LRP1B: variants seen among roughly 807,000 people sequenced by gnomAD.
The protein encoded by LRP1B is low-density lipoprotein receptor-related protein 1B.
A neutral mutation model predicts 556.6 loss-of-function variants in LRP1B; 217 were observed. That is an observed-to-expected ratio of 0.39 (90% confidence interval 0.35 to 0.44). LRP1B has a LOEUF of 0.44. Ranked by LOEUF, LRP1B falls within the 20% of genes least tolerant of loss-of-function variation. The pLI, the probability that LRP1B is intolerant of heterozygous loss-of-function variation, is 1.00. For missense variants in LRP1B, 5,053 were observed against 5,620.8 expected (o/e 0.90, Z 3.23); for synonymous variants, 2,047 against 1,865.8 (o/e 1.10, Z -2.50).
At chr2:140,327,215 G>C (rs1018010798) in intron 79 of LRP1B, among the ~76,000 whole-genome samples, 3 of 152,096 alleles carry the variant, frequency 2.0e-5, no homozygotes, top group African/African-American at 7.2e-5. Context: ...GTCTGTGCTA[G>C]ACTTTTATTC....
At chr2:140,978,771 C>T (rs1268279187) in intron 18 of LRP1B, among the ~76,000 whole-genome samples, 3 of 152,106 alleles carry the variant, frequency 2.0e-5, no homozygotes, top group Non-Finnish European at 4.4e-5. Context: ...ATGTGTGTTA[C>T]TGAAGAGAGA....
At chr2:142,036,591 G>A (rs1399764890) in intron 1 of LRP1B, among the ~76,000 whole-genome samples, 2 of 151,560 alleles carry the variant, frequency 1.3e-5, no homozygotes, top group Non-Finnish European at 3.0e-5. Context: ...ATTTAGTTAA[G>A]TAATATTTTC....
intron 20 of LRP1B, 129 bp from the exon 21 acceptor site, chr2:140,923,276 A>T (rs1694795734): frequency 1.6e-6 from 1 of 631,752 alleles, no homozygotes; most frequent in Non-Finnish European, 2.7e-6. Flanking sequence ...GCTAGAGAGA[A>T]TACATTTTTA....
chr2:141,204,505 G>C (rs1289548655), intron 6 of LRP1B, among the ~76,000 whole-genome samples: 1 of 152,134 alleles, frequency 6.6e-6, no homozygotes, highest in Non-Finnish European at 1.5e-5. Flanking sequence ...AGAAATTGGG[G>C]TGTTATTTTC....
intron 20 of LRP1B, among the ~76,000 whole-genome samples, chr2:140,929,637 CTATT>C (rs1219895827): frequency 1.3e-5 from 2 of 151,944 alleles, no homozygotes; most frequent in Non-Finnish European, 2.9e-5. Flanking sequence ...CACTTTGCGA[CTATT>C]TAAACAATAA....
Position 142,034,915 on chromosome 2 carries a change from A to G in LRP1B, c.82+95733T>C, listed in dbSNP as rs185015187. On this transcript the variant is annotated intron_variant, in intron 1 of 90. Coordinates refer to ENST00000389484, the MANE Select transcript of LRP1B (RefSeq NM_018557.3). ...TATTTAAAATACAACACGTTTGTAA[A>G]GTTATAAAACTATAAAAATGTATTG... is the stretch of plus-strand genomic sequence containing the variant. Among the ~76,000 whole-genome samples, 243 of 151,918 alleles carry G rather than the reference A, an allele frequency of 1.6e-3. 1 individual carries two copies. Among genetic ancestry groups the G allele is most frequent in the Non-Finnish European group, 2.8e-3 (187 of 67,818 alleles).
intron 7 of LRP1B, among the ~76,000 whole-genome samples, chr2:141,147,218 G>A (rs1036886208): frequency 6.6e-6 from 1 of 152,102 alleles, no homozygotes; most frequent in Non-Finnish European, 1.5e-5. Flanking sequence ...CTTAGGAGTG[G>A]CAAGGGCTTC....
intron 3 of LRP1B, among the ~76,000 whole-genome samples, chr2:141,410,651 G>A (rs1690818223): frequency 6.6e-6 from 1 of 151,956 alleles, no homozygotes; most frequent in Non-Finnish European, 1.5e-5. Context: ...TCAAGGAATG[G>A]TGTTTTTTAC....
chr2:140,315,245 T>TA (rs1219483336), intron 82 of LRP1B, 146 bp from the exon 83 acceptor site: 1 of 536,680 alleles, frequency 1.9e-6, no homozygotes, highest in Non-Finnish European at 3.2e-6. Flanking sequence ...AAAAATTAAA[T>TA]ACTATCTGAA....
At chr2:140,672,936 C>T (rs6744882) in intron 41 of LRP1B, among the ~76,000 whole-genome samples, 121,012 of 152,114 alleles carry the variant, frequency 0.8, 48,978 homozygotes, top group Middle Eastern at 0.9. Flanking sequence ...CTTCAAAGAG[C>T]TCTCTATGTG....
intron 1 of LRP1B, among the ~76,000 whole-genome samples, chr2:141,839,871 C>CTTATCTTTATTATCATTAAGA (rs1697407817): frequency 6.6e-6 from 1 of 152,114 alleles, no homozygotes; most frequent in South Asian, 2.1e-4. Flanking sequence ...CAAACCACAA[C>CTTATCTTTATTATCATTAAGA]TAATAAAATG....
intron 2 of LRP1B, among the ~76,000 whole-genome samples, chr2:141,739,878 C>A (rs1693631786): frequency 6.6e-6 from 1 of 151,992 alleles, no homozygotes; most frequent in African/African-American, 2.4e-5. Flanking sequence ...TAGTTCAAGA[C>A]TTATTTTCTT....
chr2:141,375,476 C>T (rs1373477373), intron 3 of LRP1B, among the ~76,000 whole-genome samples: 2 of 151,946 alleles, frequency 1.3e-5, no homozygotes, highest in Admixed American at 6.6e-5. Flanking sequence ...GTGGAGCAAC[C>T]CACTGAGACC....
intron 2 of LRP1B, among the ~76,000 whole-genome samples, chr2:141,643,382 C>A (rs1341674340): frequency 6.6e-6 from 1 of 152,122 alleles, no homozygotes; most frequent in East Asian, 1.9e-4. Context: ...CTATTCACAT[C>A]TATAAACCAG....
intron 1 of LRP1B, among the ~76,000 whole-genome samples, chr2:142,010,459 G>T (rs909729819): frequency 3.3e-5 from 5 of 150,126 alleles, no homozygotes; most frequent in Non-Finnish European, 5.9e-5. Context: ...AGAGGCTGAG[G>T]CAGGAGAATG....
intron 41 of LRP1B, among the ~76,000 whole-genome samples, chr2:140,641,105 A>G (rs1457990681): frequency 6.6e-6 from 1 of 152,232 alleles, no homozygotes; most frequent in African/African-American, 2.4e-5. Flanking sequence ...ATAATTTGTC[A>G]TCTATGGTTT....
At chr2:141,599,208 T>C (rs781545539) in intron 2 of LRP1B, among the ~76,000 whole-genome samples, 15 of 151,920 alleles carry the variant, frequency 9.9e-5, no homozygotes, top group Non-Finnish European at 7.4e-5. Flanking sequence ...AGCTACTGTG[T>C]TACTGCCAAA....
chr2:142,111,381 C>T (rs1185840156), intron 1 of LRP1B, among the ~76,000 whole-genome samples: 1 of 152,022 alleles, frequency 6.6e-6, no homozygotes, highest in African/African-American at 2.4e-5. Flanking sequence ...ATTACCTCAA[C>T]CCTAATGTGT....
At chr2:141,764,117 C>A (rs1694652822) in intron 2 of LRP1B, among the ~76,000 whole-genome samples, 1 of 151,984 alleles carries the variant, frequency 6.6e-6, no homozygotes, top group South Asian at 2.1e-4. Flanking sequence ...TAATTAAGGA[C>A]AGGACCTTTA....
Sources: gnomAD v4.1 joint callset for allele counts (sites outside exome capture counted in the v4.1 genomes callset) on GRCh38, gnomAD v4.1.1 for gene constraint, MANE v1.5 for transcripts, NCBI Gene and HGNC (gene_info 2026-07-23, HGNC 2026-07-21) for gene names.